The following PCDHA11 variants were observed in gnomAD, a reference collection of about 807,000 sequenced individuals.
PCDHA11 encodes the protein protocadherin alpha 11.
PCDHA11 carries 61 observed loss-of-function variants against 70.3 expected under a neutral mutation model. The observed-to-expected ratio is 0.87, with a 90% CI of 0.71 to 1.07. The LOEUF (loss-of-function observed/expected upper bound fraction) is 1.07. Among genes scored for constraint, PCDHA11 ranks in the 50% least tolerant of loss-of-function variants. The probability of loss-of-function intolerance (pLI) is 0.00; values close to 1 mark genes in which losing one functional copy is unlikely to be tolerated. For synonymous variants in PCDHA11, 633 were observed against 555.1 expected, an observed-to-expected ratio of 1.14 and a Z score of -1.97; for missense variants, 1,324 against 1,237.5, an observed-to-expected ratio of 1.07 and a Z score of -1.05.
intron 1 of PCDHA11, among the ~76,000 whole-genome samples, chr5:140,941,281 C>G (rs12652617): frequency 1.4e-5 from 1 of 69,002 alleles, no homozygotes. Flanking sequence ...TTCCTTCCTT[C>G]CTTTCTCTTT....
intron 1 of PCDHA11, among the ~76,000 whole-genome samples, chr5:140,970,092 A>C (rs1554232243): frequency 6.6e-6 from 1 of 151,978 alleles, no homozygotes; most frequent in East Asian, 1.9e-4. Context: ...GTGTGGGGGG[A>C]TGGTGAAGAC....
chr5:140,977,899 C>A (rs1193855952), intron 1 of PCDHA11, among the ~76,000 whole-genome samples: 1 of 152,124 alleles, frequency 6.6e-6, no homozygotes, highest in East Asian at 1.9e-4. Context: ...CAAAATACAA[C>A]TTTTATCCCC....
At chr5:140,966,835 G>A in intron 1 of PCDHA11, 10 of 1,564,886 alleles carry the variant, frequency 6.4e-6, no homozygotes, top group Non-Finnish European at 7.8e-6. Flanking sequence ...TGCCCTGGCT[G>A]CTGCTACTGC....
chr5:140,958,900 C>T (rs246008), intron 1 of PCDHA11, among the ~76,000 whole-genome samples: 85,461 of 151,702 alleles, frequency 0.56, 24,676 homozygotes, highest in African/African-American at 0.69. Flanking sequence ...ATAATAGATA[C>T]AGAAAAGTCT....
Position 140,876,962 on chromosome 5 carries a change from G to T in PCDHA11, c.2391+5468G>T, listed in dbSNP as rs375871457. 15 of 1,612,908 alleles carry T rather than the reference G, an allele frequency of 9.3e-6. No homozygotes were observed. The African/African-American group carries it at 1.6e-4, about 17-fold the overall frequency. ...CTGGTGTCCTACTCGCTGGTGGAGCGGCGGGTGGGCGAGCACGCACTGTCG... is the reference window on the plus strand; with the variant it reads ...CTGGTGTCCTACTCGCTGGTGGAGCTGCGGGTGGGCGAGCACGCACTGTCG... On this transcript the variant is annotated intron_variant, in intron 1 of 3. Coordinates refer to ENST00000398640, the MANE Select transcript of PCDHA11 (RefSeq NM_018902.5).
chr5:140,876,180 T>C (rs782772220), intron 1 of PCDHA11: 1 of 1,613,982 alleles, frequency 6.2e-7, no homozygotes, highest in South Asian at 1.1e-5. Context: ...TGGATGTGAA[T>C]GACAATGGTC....
intron 1 of PCDHA11, among the ~76,000 whole-genome samples, chr5:140,946,015 G>A (rs246056): frequency 0.57 from 86,078 of 151,518 alleles, 25,094 homozygotes; most frequent in African/African-American, 0.71. Context: ...AAGCTCCTGC[G>A]CAGCAAAGAA....
intron 1 of PCDHA11, among the ~76,000 whole-genome samples, chr5:140,873,370 T>A (rs2054256707): frequency 6.6e-6 from 1 of 152,166 alleles, no homozygotes; most frequent in Non-Finnish European, 1.5e-5. Flanking sequence ...TAACTGAAGA[T>A]CTTTTAAAGA....
chr5:140,928,778 C>G (rs564618368), intron 1 of PCDHA11: 3 of 1,614,136 alleles, frequency 1.9e-6, no homozygotes, highest in East Asian at 4.5e-5. Context: ...CCCACTGATG[C>G]AGTTAAGCAG....
At chr5:140,875,103 A>ACTAATATCATG (rs2055275043) in intron 1 of PCDHA11, among the ~76,000 whole-genome samples, 2 of 152,340 alleles carry the variant, frequency 1.3e-5, no homozygotes, top group African/African-American at 4.8e-5. Context: ...ATGTTTTGTT[A>ACTAATATCATG]CTAATATCAT....
At chr5:141,009,327 C>A (rs1445732436) in intron 3 of PCDHA11, among the ~76,000 whole-genome samples, 3 of 152,142 alleles carry the variant, frequency 2.0e-5, no homozygotes, top group Non-Finnish European at 2.9e-5. Context: ...GGCATGGGAG[C>A]TTGTGCCTGT....
rs78358581 is a variant in PCDHA11 at position 140,924,264 on chromosome 5, T to G, written c.2391+52770T>G. 2.9e-3 allele frequency among the ~76,000 whole-genome samples: 442 copies of G among 152,342 alleles called. 1 individual carries two copies. Among genetic ancestry groups the G allele is most frequent in the African/African-American group, 0.01 (423 of 41,584 alleles). On this transcript the variant is annotated intron_variant, in intron 1 of 3. Coordinates refer to ENST00000398640, the MANE Select transcript of PCDHA11 (RefSeq NM_018902.5). Reference sequence around the variant, plus strand: ...TGCATCCTGGTGAGATCTAATGAGGTCTGTACTTGTGACTACCTAATAGGC... The same window carrying G: ...TGCATCCTGGTGAGATCTAATGAGGGCTGTACTTGTGACTACCTAATAGGC...
intron 1 of PCDHA11, among the ~76,000 whole-genome samples, chr5:140,972,762 A>G (rs1048509158): frequency 4.7e-5 from 7 of 150,026 alleles, no homozygotes; most frequent in African/African-American, 1.7e-4. Context: ...CTCCCAAGTT[A>G]AAGTGATTCT....
intron 1 of PCDHA11, chr5:140,927,139 C>T: frequency 6.2e-7 from 1 of 1,614,046 alleles, no homozygotes; most frequent in Non-Finnish European, 8.5e-7. Context: ...GCCGGCGGAC[C>T]GCGAACAGCT....
In PCDHA11 at chr5:141,010,121, T is replaced by C; in HGVS notation, c.*184T>C. The C allele has an allele frequency of 1.2e-6, 2 of 1,606,996 alleles. No homozygotes were observed. The highest frequency in any genetic ancestry group is 1.7e-6 in the Non-Finnish European group (2 of 1,176,140). On this transcript the variant is annotated 3_prime_UTR_variant, in exon 4 of 4. Transcript: ENST00000398640. ...ACAGGTTTTGTCGTAAAAGCTTTAC[T>C]AAGTCTGGTGTTAACTCTTTCTCTC... is the stretch of plus-strand genomic sequence containing the variant.
chr5:140,939,894 T>G (rs1554213013), intron 1 of PCDHA11, among the ~76,000 whole-genome samples: 2 of 152,220 alleles, frequency 1.3e-5, no homozygotes, highest in Non-Finnish European at 2.9e-5. Context: ...TGTTCAAATA[T>G]TCTGCATTCT....
At position 141,010,207 on chromosome 5, in the gene PCDHA11, A is replaced by C; in HGVS notation, c.*270A>C. The C allele has an allele frequency of 6.4e-7, 1 of 1,551,870 alleles. No homozygotes were observed. ...CCAAGTTTCCTTTCTCCTCCGCCGC[A>C]AAGGAGAGGCTTCCCAGCCCCGCCA... On this transcript the variant is annotated 3_prime_UTR_variant, in exon 4 of 4. Transcript: ENST00000398640.
intron 1 of PCDHA11, among the ~76,000 whole-genome samples, chr5:140,963,686 G>A (rs181667037): frequency 2.7e-4 from 41 of 152,226 alleles, no homozygotes; most frequent in Middle Eastern, 3.4e-3. Flanking sequence ...GTGTTTATCC[G>A]TGTTTGATAT....
At chr5:140,951,420 T>G (rs1212893926) in intron 1 of PCDHA11, among the ~76,000 whole-genome samples, 3 of 151,992 alleles carry the variant, frequency 2.0e-5, no homozygotes, top group African/African-American at 7.2e-5. Flanking sequence ...TGGCTCACAG[T>G]TCCACAGGCT....
Sources: allele counts gnomAD v4.1 joint callset (sites outside exome capture counted in the v4.1 genomes callset), GRCh38; gene constraint gnomAD v4.1.1; transcripts MANE v1.5; gene names NCBI Gene and HGNC (gene_info 2026-07-23, HGNC 2026-07-21).